Variants in SIGLEC15 observed in about 807,000 individuals in gnomAD.
SIGLEC15 encodes the protein sialic acid binding Ig like lectin 15, also known as sialic acid-binding Ig-like lectin 15.
A neutral mutation model predicts 26.2 loss-of-function variants in SIGLEC15; 31 were observed. The ratio of observed to expected loss-of-function variants is 1.18; its 90% CI spans 0.89 to 1.60. SIGLEC15 has a LOEUF of 1.60. Among genes scored for constraint, SIGLEC15 ranks in the 40% most tolerant of loss-of-function variants. SIGLEC15 has a pLI of 0.00. For missense variants in SIGLEC15, 501 were observed against 488.4 expected (o/e 1.03, Z -0.24); for synonymous variants, 207 against 221.9 (o/e 0.93, Z 0.60).
intron 2 of SIGLEC15, 90 bp from the exon 3 acceptor site, chr18:45,837,423 G>C: frequency 7.2e-7 from 1 of 1,389,542 alleles, no homozygotes; most frequent in Non-Finnish European, 9.3e-7. Flanking sequence ...GGTTGGGGGA[G>C]CGTTTCCTGG....
At chr18:45,831,477 A>G (rs537550431) in intron 1 of SIGLEC15, among the ~76,000 whole-genome samples, 1 of 152,322 alleles carries the variant, frequency 6.6e-6, no homozygotes, top group Non-Finnish European at 1.5e-5. Flanking sequence ...AATTGTGCAT[A>G]AATTAAAAAA....
chr18:45,827,574 G>T (rs1378566262), intron 1 of SIGLEC15, among the ~76,000 whole-genome samples: 1 of 152,204 alleles, frequency 6.6e-6, no homozygotes, highest in Non-Finnish European at 1.5e-5. Context: ...CTGTTTACTG[G>T]CTGCATGGCC....
chr18:45,837,911 G>T lies in SIGLEC15; in HGVS notation c.496+15G>T, dbSNP rs1337181997. The T allele has an allele frequency of 6.7e-7, 1 of 1,484,350 alleles. No individual in the cohort carries two copies. Among genetic ancestry groups the T allele is most frequent in the Admixed American group, 2.3e-5 (1 of 43,496 alleles). 91.9% of individuals were successfully genotyped at this position (1,484,350 alleles called of 1,614,324 possible). Reference sequence around the variant, plus strand: ...GCACGTGACAGGCGAGGCGGCGTGGGAGCGGGTCCCCGGCCTCCCTTCCCG... The same window carrying T: ...GCACGTGACAGGCGAGGCGGCGTGGTAGCGGGTCCCCGGCCTCCCTTCCCG... On this transcript the variant is annotated intron_variant, in intron 3 of 5. Transcript: ENST00000389474.
At position 45,838,785 on chromosome 18, in the gene SIGLEC15, T is replaced by G. The variant is rs760263282; in HGVS notation, c.564T>G (p.Thr188=). The G allele has an allele frequency of 1.3e-6, 2 of 1,567,322 alleles. No individual in the cohort carries two copies. The highest frequency in any genetic ancestry group is 2.3e-5 in the South Asian group (2 of 86,782). Reference sequence around the variant, plus strand: ...CTCACGCCTTCCGCGCGCTCTGCACTGCCGAAGGGGAGCCGCCGCCCGCCC... The same window carrying G: ...CTCACGCCTTCCGCGCGCTCTGCACGGCCGAAGGGGAGCCGCCGCCCGCCC... ...SPAHAFRALC[T]AEGEPPPALA... The change falls in exon 4 of 6, where the codon ACT becomes ACG. Residue 188 remains threonine, a synonymous_variant. Coordinates refer to ENST00000389474, the MANE Select transcript of SIGLEC15 (RefSeq NM_213602.3).
intron 1 of SIGLEC15, among the ~76,000 whole-genome samples, chr18:45,830,676 C>A (rs188272241): frequency 1.1e-4 from 16 of 150,330 alleles, no homozygotes; most frequent in African/African-American, 3.9e-4. Context: ...ACCTCCGCCT[C>A]CCAGGTTCAA....
intron 5 of SIGLEC15, 57 bp downstream of exon 5, chr18:45,840,298 C>T (rs2048314594): frequency 1.9e-6 from 3 of 1,553,454 alleles, no homozygotes; most frequent in Non-Finnish European, 1.8e-6. Flanking sequence ...TCCTCATCAC[C>T]CAGGGGGTCC....
At chr18:45,831,131 GC>G (rs2048231967) in intron 1 of SIGLEC15, among the ~76,000 whole-genome samples, 1 of 152,158 alleles carries the variant, frequency 6.6e-6, no homozygotes. Context: ...ACTCTGAGGG[GC>G]ATGCCACCAA....
intron 4 of SIGLEC15, 57 bp downstream of exon 4, chr18:45,839,152 T>C: frequency 7.4e-7 from 1 of 1,346,048 alleles, no homozygotes; most frequent in Non-Finnish European, 9.5e-7. Context: ...CTCTCTGCTC[T>C]TAGATAAGAC....
intron 1 of SIGLEC15, among the ~76,000 whole-genome samples, chr18:45,833,623 T>G (rs2048252363): frequency 6.6e-6 from 1 of 152,204 alleles, no homozygotes; most frequent in African/African-American, 2.4e-5. Context: ...TCTTGTGCAT[T>G]TTAAATGAGA....
At chr18:45,838,592 G>A (rs906007820) in intron 3 of SIGLEC15, 126 bp from the exon 4 acceptor site, 4 of 1,285,194 alleles carry the variant, frequency 3.1e-6, no homozygotes, top group South Asian at 1.6e-5. Context: ...GTATTGGGAC[G>A]GGGGCAGCCT....
intron 2 of SIGLEC15, among the ~76,000 whole-genome samples, 182 bp downstream of exon 2, chr18:45,837,270 C>T (rs1480327684): frequency 6.6e-6 from 1 of 152,208 alleles, no homozygotes; most frequent in Non-Finnish European, 1.5e-5. Context: ...GGAAGAGCCG[C>T]GGGAACGCAG....
intron 1 of SIGLEC15, 52 bp downstream of exon 1, chr18:45,825,832 A>T: frequency 6.3e-7 from 1 of 1,593,636 alleles, no homozygotes; most frequent in African/African-American, 1.3e-5. Context: ...ATAGATGCTG[A>T]AAGCATCTTA....
chr18:45,837,958 A>G (rs2048290543), intron 3 of SIGLEC15, 62 bp downstream of exon 3: 1 of 1,418,730 alleles, frequency 7.0e-7, no homozygotes, highest in Non-Finnish European at 9.1e-7. Context: ...GCCCCGCCCC[A>G]AGGGCTACGT....
chr18:45,839,168 G>A, intron 4 of SIGLEC15, 73 bp downstream of exon 4: 8 of 1,336,490 alleles, frequency 6.0e-6, no homozygotes, highest in Non-Finnish European at 6.7e-6. Context: ...AAGACCACCT[G>A]GCTGACCCCC....
chr18:45,842,768 G>C lies in SIGLEC15; in HGVS notation c.*581G>C, dbSNP rs973721041. On this transcript the variant is annotated 3_prime_UTR_variant, in exon 6 of 6. Transcript: ENST00000389474. ...AGTACAAAGCCATCTTCTCATGAGG[G>C]GCATGACAGAACCCTCTTTGCAGAG... 1 of 154,472 alleles carries C rather than the reference G, an allele frequency of 6.5e-6. No individual in the cohort carries two copies. Among genetic ancestry groups the C allele is most frequent in the African/African-American group, 2.4e-5 (1 of 41,462 alleles). The allele number at this position is 154,472 out of a possible 1,614,324, so 9.6% of individuals were successfully genotyped here.
At chr18:45,837,263 A>C (rs1372894395) in intron 2 of SIGLEC15, among the ~76,000 whole-genome samples, 175 bp downstream of exon 2, 2 of 152,218 alleles carry the variant, frequency 1.3e-5, no homozygotes, top group African/African-American at 2.4e-5. Context: ...GTCCCAGGGA[A>C]GAGCCGCGGG....
chr18:45,832,142 G>C (rs2048240923), intron 1 of SIGLEC15, among the ~76,000 whole-genome samples: 1 of 152,214 alleles, frequency 6.6e-6, no homozygotes, highest in African/African-American at 2.4e-5. Flanking sequence ...TGGAGCATTT[G>C]CTGTGTGTGA....
chr18:45,840,397 C>T (rs1367623145), intron 5 of SIGLEC15, among the ~76,000 whole-genome samples, 156 bp downstream of exon 5: 1 of 152,108 alleles, frequency 6.6e-6, no homozygotes, highest in Non-Finnish European at 1.5e-5. Flanking sequence ...CACCAAGGCA[C>T]CCCTCTTGCA....
intron 1 of SIGLEC15, among the ~76,000 whole-genome samples, chr18:45,833,046 C>T (rs1184551016): frequency 6.6e-6 from 1 of 152,154 alleles, no homozygotes; most frequent in Admixed American, 6.5e-5. Flanking sequence ...GCTCCTAGAG[C>T]AAAGCCCACC....
Sources: gnomAD v4.1 joint callset for allele counts (sites outside exome capture counted in the v4.1 genomes callset) on GRCh38, gnomAD v4.1.1 for gene constraint, MANE v1.5 for transcripts, NCBI Gene and HGNC (gene_info 2026-07-23, HGNC 2026-07-21) for gene names.